Variants in PCDH11X observed in about 807,000 individuals in gnomAD.
PCDH11X encodes the protein protocadherin 11 X-linked.
Under a neutral mutation model 53.3 loss-of-function variants are expected in PCDH11X, and 18 were observed. The observed-to-expected ratio is 0.34, with a 90% CI of 0.23 to 0.50. PCDH11X has a LOEUF of 0.50. Among genes scored for constraint, PCDH11X ranks in the 20% least tolerant of loss-of-function variants. The probability of loss-of-function intolerance (pLI) is 0.98; values close to 1 mark genes in which losing one functional copy is unlikely to be tolerated. For missense variants in PCDH11X, 570 were observed against 1,032.4 expected, an observed-to-expected ratio of 0.55 and a Z score of 6.14; for synonymous variants, 279 against 393.3, an observed-to-expected ratio of 0.71 and a Z score of 3.44.
At chrX:91,823,736 T>A (rs1936791922) in intron 4 of PCDH11X, among the ~76,000 whole-genome samples, 1 of 111,513 alleles carries the variant, frequency 9.0e-6, no homozygotes, top group South Asian at 3.8e-4. Context: ...GCTGGTTATT[T>A]TGCTTGTTAG....
At chrX:92,037,141 A>G (rs1039346581) in intron 6 of PCDH11X, among the ~76,000 whole-genome samples, 1 of 111,178 alleles carries the variant, frequency 9.0e-6, no homozygotes, top group African/African-American at 3.3e-5. Context: ...TGCTGCACCT[A>G]TCTACTCATC....
intron 10 of PCDH11X, among the ~76,000 whole-genome samples, chrX:92,607,943 C>T (rs2148814229): frequency 9.0e-6 from 1 of 110,707 alleles, no homozygotes; most frequent in Non-Finnish European, 1.9e-5. Flanking sequence ...ACATTTTAAA[C>T]GTTAATCTCC....
chrX:91,817,772 C>A (rs1266002917), intron 4 of PCDH11X, among the ~76,000 whole-genome samples: 2 of 111,121 alleles, frequency 1.8e-5, no homozygotes, highest in African/African-American at 3.3e-5. Context: ...AAAGAGAGTT[C>A]TTTTTTCAAG....
intron 10 of PCDH11X, among the ~76,000 whole-genome samples, chrX:92,480,842 T>A (rs952627585): frequency 1.8e-5 from 2 of 111,647 alleles, no homozygotes; most frequent in African/African-American, 6.5e-5. Context: ...CCAGCAGCAG[T>A]GACAGTGGCA....
chrX:91,861,679 C>T (rs1230004153), intron 5 of PCDH11X, among the ~76,000 whole-genome samples: 2 of 111,999 alleles, frequency 1.8e-5, no homozygotes, highest in Non-Finnish European at 3.8e-5. Context: ...AGATTCTGCA[C>T]AATTCTGTGC....
chrX:92,437,062 T>C (rs1239407655), intron 9 of PCDH11X, among the ~76,000 whole-genome samples: 12 of 110,557 alleles, frequency 1.1e-4, no homozygotes, highest in African/African-American at 3.6e-4. Flanking sequence ...CGTTTCTCCA[T>C]GATGTGATTA....
At chrX:92,421,923 T>A (rs1204456101) in intron 9 of PCDH11X, among the ~76,000 whole-genome samples, 2 of 111,105 alleles carry the variant, frequency 1.8e-5, no homozygotes, top group African/African-American at 6.5e-5. Context: ...TTTTGCTTGT[T>A]AATTTGTTTA....
chrX:92,285,433 A>G (rs1384281713), intron 8 of PCDH11X, among the ~76,000 whole-genome samples: 1 of 108,864 alleles, frequency 9.2e-6, no homozygotes, highest in Non-Finnish European at 1.9e-5. Context: ...TTGTAGTTTT[A>G]GTAGAGATGG....
intron 9 of PCDH11X, among the ~76,000 whole-genome samples, chrX:92,466,339 T>A: frequency 9.1e-6 from 1 of 109,811 alleles, no homozygotes; most frequent in East Asian, 2.8e-4. Context: ...CTTTAAACCT[T>A]AATTAAAAAT....
At chrX:92,322,640 A>G (rs2069241670) in intron 8 of PCDH11X, among the ~76,000 whole-genome samples, 1 of 111,682 alleles carries the variant, frequency 9.0e-6, no homozygotes, top group African/African-American at 3.3e-5. Flanking sequence ...AAAGATGAGT[A>G]GTTACAAGAA....
intron 6 of PCDH11X, among the ~76,000 whole-genome samples, chrX:91,936,497 C>T (rs1912584557): frequency 9.2e-6 from 1 of 108,118 alleles, no homozygotes; most frequent in African/African-American, 3.3e-5. Context: ...TCTTGACTTG[C>T]TCCTCTCTGA....
intron 10 of PCDH11X, among the ~76,000 whole-genome samples, chrX:92,560,857 C>A (rs936903418): frequency 9.2e-6 from 1 of 108,532 alleles, no homozygotes; most frequent in Non-Finnish European, 1.9e-5. Context: ...CTGGGGAAAT[C>A]CATCACCCTT....
At chrX:92,257,577 G>C (rs1412373382) in intron 7 of PCDH11X, among the ~76,000 whole-genome samples, 2 of 112,261 alleles carry the variant, frequency 1.8e-5, no homozygotes, top group African/African-American at 6.5e-5. Context: ...TACAGACATT[G>C]GGTAAATACT....
intron 1 of PCDH11X, among the ~76,000 whole-genome samples, chrX:91,784,785 C>G (rs1300273878): frequency 4.5e-5 from 5 of 111,239 alleles, no homozygotes; most frequent in Admixed American, 9.6e-5. Flanking sequence ...TTTGTCCACT[C>G]ATTTCCCCCT....
In PCDH11X at chrX:92,122,923, C is replaced by T. The variant is rs34888193; in HGVS notation, c.3034-78452C>T. ...CTGCACTCCAGCCTGAGCGACAGAG[C>T]GACACTCCATCTCAATAAATAAATT... On this transcript the variant is annotated intron_variant, in intron 6 of 10. Coordinates refer to ENST00000682573, the MANE Select transcript of PCDH11X (RefSeq NM_032968.5). Among the ~76,000 whole-genome samples the T allele has an allele frequency of 3.6e-5, 4 of 110,833 alleles. No homozygotes were observed. In the East Asian group the frequency reaches 8.5e-4, roughly 23 times the overall value.
chrX:91,952,473 T>C (rs1165171593), intron 6 of PCDH11X, among the ~76,000 whole-genome samples: 1 of 111,747 alleles, frequency 8.9e-6, no homozygotes, highest in East Asian at 2.8e-4. Context: ...TTGAAAAATA[T>C]AAAACTGCCA....
At chrX:92,101,742 T>G (rs2064257279) in intron 6 of PCDH11X, among the ~76,000 whole-genome samples, 1 of 110,240 alleles carries the variant, frequency 9.1e-6, no homozygotes, top group Non-Finnish European at 1.9e-5. Context: ...CTCGGGCATG[T>G]TGAGTAAAGC....
intron 10 of PCDH11X, among the ~76,000 whole-genome samples, chrX:92,532,054 T>C (rs949145189): frequency 9.0e-6 from 1 of 110,750 alleles, no homozygotes; most frequent in African/African-American, 3.3e-5. Context: ...CATTTTAATT[T>C]AGGACCTCTG....
intron 10 of PCDH11X, among the ~76,000 whole-genome samples, chrX:92,551,528 A>T (rs192252002): frequency 0.036 from 3,755 of 104,949 alleles, 68 homozygotes; most frequent in South Asian, 0.1. Context: ...CACTTTGTTG[A>T]TAGCTTCCTC....
Sources: allele counts gnomAD v4.1 joint callset (sites outside exome capture counted in the v4.1 genomes callset), GRCh38; gene constraint gnomAD v4.1.1; transcripts MANE v1.5; gene names NCBI Gene and HGNC (gene_info 2026-07-23, HGNC 2026-07-21).